Variants in CALN1 observed in about 807,000 individuals in gnomAD.
CALN1 encodes the protein calcium-binding protein 8.
CALN1 carries 17 observed loss-of-function variants against 30.6 expected under a neutral mutation model. The observed-to-expected ratio is 0.56, with a 90% confidence interval of 0.38 to 0.83. The LOEUF (loss-of-function observed/expected upper bound fraction) is 0.83. CALN1 is among the 40% of genes least tolerant of loss of function. CALN1 has a pLI of 0.00. For synonymous variants in CALN1, 156 were observed against 131.4 expected, an observed-to-expected ratio of 1.19 and a Z score of -1.28; for missense variants, 291 against 354.9, an observed-to-expected ratio of 0.82 and a Z score of 1.45.
At chr7:71,970,683 C>T (rs145999428) in intron 5 of CALN1, among the ~76,000 whole-genome samples, 86 of 151,900 alleles carry the variant, frequency 5.7e-4, no homozygotes, top group Middle Eastern at 3.4e-3. Flanking sequence ...TTTCCCACTT[C>T]GTCCCCGCGC....
chr7:72,315,649 G>A (rs779225808), intron 2 of CALN1, among the ~76,000 whole-genome samples: 1 of 151,636 alleles, frequency 6.6e-6, no homozygotes. Flanking sequence ...AGGCTGCAGT[G>A]AGCCATGACC....
chr7:72,191,948 C>A (rs1790639358), intron 3 of CALN1, among the ~76,000 whole-genome samples: 1 of 152,018 alleles, frequency 6.6e-6, no homozygotes, highest in Admixed American at 6.6e-5. Flanking sequence ...TTGCCATTAC[C>A]TTTAATGGCA....
At chr7:71,832,458 C>T (rs942306324) in intron 5 of CALN1, among the ~76,000 whole-genome samples, 4 of 152,166 alleles carry the variant, frequency 2.6e-5, no homozygotes, top group African/African-American at 9.7e-5. Flanking sequence ...TACCTTGATT[C>T]TGTATGCAGG....
chr7:71,991,326 G>A (rs1562960729), intron 5 of CALN1, among the ~76,000 whole-genome samples: 2 of 152,070 alleles, frequency 1.3e-5, no homozygotes, highest in Non-Finnish European at 2.9e-5. Context: ...AGATGTGGTG[G>A]TGGGTGCCTG....
At chr7:72,145,454 G>A (rs1042219413) in intron 3 of CALN1, among the ~76,000 whole-genome samples, 7 of 152,196 alleles carry the variant, frequency 4.6e-5, no homozygotes, top group Non-Finnish European at 1.0e-4. Context: ...ACCAATAACA[G>A]GCTCTGAAGT....
At position 72,229,424 on chromosome 7, in the gene CALN1, A is replaced by G. The variant is rs183983133; in HGVS notation, c.244+49262T>C. On this transcript the variant is annotated intron_variant, in intron 3 of 6. Coordinates refer to ENST00000395275, the MANE Select transcript of CALN1 (RefSeq NM_031468.4). ...GCTTACCATTTGACCCAACAATCCT[A>G]TTACTGGGTGTGTACCCAAATGATT... is the stretch of plus-strand genomic sequence containing the variant. 7.2e-5 allele frequency among the ~76,000 whole-genome samples: 11 copies of G among 152,022 alleles called. No homozygotes were observed. The East Asian group carries it at 1.7e-3, about 24-fold the overall frequency.
At chr7:71,982,043 T>A (rs1798425500) in intron 5 of CALN1, among the ~76,000 whole-genome samples, 1 of 152,204 alleles carries the variant, frequency 6.6e-6, no homozygotes, top group South Asian at 2.1e-4. Context: ...GTTTTCTCAC[T>A]TTTTAGTTGA....
At chr7:72,061,164 C>T (rs1300567926) in intron 4 of CALN1, among the ~76,000 whole-genome samples, 1 of 152,160 alleles carries the variant, frequency 6.6e-6, no homozygotes, top group Non-Finnish European at 1.5e-5. Flanking sequence ...AAAATATCAA[C>T]ATTCTCTGGA....
chr7:72,408,639 AAAG>A (rs1806873875), intron 1 of CALN1, among the ~76,000 whole-genome samples: 1 of 151,372 alleles, frequency 6.6e-6, no homozygotes, highest in Non-Finnish European at 1.5e-5. Flanking sequence ...GTGGTCATGA[AAAG>A]ACATACAAAT....
At chr7:72,428,666 A>G (rs912065812) in intron 1 of CALN1, among the ~76,000 whole-genome samples, 1 of 152,174 alleles carries the variant, frequency 6.6e-6, no homozygotes, top group Non-Finnish European at 1.5e-5. Flanking sequence ...CTATCAAGAA[A>G]TCAGAAGAGA....
upstream of CALN1, among the ~76,000 whole-genome samples, chr7:72,413,851 A>T (rs1348742201): frequency 2.1e-4 from 30 of 140,640 alleles, no homozygotes; most frequent in Non-Finnish European, 3.0e-5. Context: ...ATGCACACAC[A>T]TCACACACAC....
intron 6 of CALN1, among the ~76,000 whole-genome samples, chr7:71,791,820 T>C (rs551877674): frequency 1.5e-4 from 23 of 152,270 alleles, no homozygotes; most frequent in African/African-American, 4.6e-4. Flanking sequence ...CCATCCTGGC[T>C]AACACGGTGA....
intron 5 of CALN1, among the ~76,000 whole-genome samples, chr7:71,848,029 G>A (rs543830662): frequency 1.2e-4 from 19 of 152,166 alleles, no homozygotes; most frequent in Middle Eastern, 3.4e-3. Flanking sequence ...AAAAACACCT[G>A]AACAGAAATA....
the CALN1 span, among the ~76,000 whole-genome samples, chr7:72,461,209 G>T: frequency 1.1e-4 from 16 of 152,286 alleles, no homozygotes; most frequent in African/African-American, 3.8e-4. Context: ...ATACACTGTT[G>T]GTGGAAGTGC....
At chr7:72,110,647 C>A (rs1403543858) in intron 3 of CALN1, among the ~76,000 whole-genome samples, 2 of 147,524 alleles carry the variant, frequency 1.4e-5, no homozygotes, top group Non-Finnish European at 3.0e-5. Context: ...AGCAGACAAA[C>A]CTCACTAACT....
intron 2 of CALN1, among the ~76,000 whole-genome samples, chr7:72,336,310 C>G (rs1184070048): frequency 6.6e-6 from 1 of 152,062 alleles, no homozygotes; most frequent in Non-Finnish European, 1.5e-5. Context: ...CCCTCCCTCC[C>G]CATCGCCCGG....
At chr7:72,414,396 G>A (rs1452023266), upstream of CALN1, among the ~76,000 whole-genome samples, 3 of 152,130 alleles carry the variant, frequency 2.0e-5, no homozygotes, top group Admixed American at 6.5e-5. Flanking sequence ...GGCTTCCCAG[G>A]GTCACACAGC....
chr7:72,264,191 C>CT (rs1351726041), intron 3 of CALN1, among the ~76,000 whole-genome samples: 1 of 152,170 alleles, frequency 6.6e-6, no homozygotes, highest in African/African-American at 2.4e-5. Flanking sequence ...AAGGAAGTCC[C>CT]TCTGCTCTAA....
intron 5 of CALN1, among the ~76,000 whole-genome samples, chr7:71,985,639 G>C (rs1348823925): frequency 2.0e-5 from 3 of 147,042 alleles, no homozygotes; most frequent in Non-Finnish European, 4.4e-5. Context: ...GCCCAGGCTG[G>C]AGTGCAGTGG....
Sources: gnomAD v4.1 joint callset for allele counts (sites outside exome capture counted in the v4.1 genomes callset) on GRCh38, gnomAD v4.1.1 for gene constraint, MANE v1.5 for transcripts, NCBI Gene and HGNC (gene_info 2026-07-23, HGNC 2026-07-21) for gene names.